C19orf38: variants seen among roughly 807,000 people sequenced by gnomAD.
The protein encoded by C19orf38 is protein HIDE1.
A neutral mutation model predicts 26.6 loss-of-function variants in C19orf38; 14 were observed. That is an observed-to-expected ratio of 0.53 (90% confidence interval 0.35 to 0.82). C19orf38 has a LOEUF of 0.82. C19orf38 is among the 40% of genes least tolerant of loss of function. The pLI is 0.01. For missense variants in C19orf38, 261 were observed against 299.5 expected (o/e 0.87, Z 0.95); for synonymous variants, 132 against 128.5 (o/e 1.03, Z -0.18).
At chr19:10,858,094 G>A (rs1423342732) in intron 3 of C19orf38, among the ~76,000 whole-genome samples, 3 of 151,062 alleles carry the variant, frequency 2.0e-5, no homozygotes, top group African/African-American at 7.3e-5. Context: ...CTGGCCTGGT[G>A]ATGCACACTT....
chr19:10,858,317 T>G lies in C19orf38; in HGVS notation c.435T>G (p.Val145=), dbSNP rs1435197839. The part of the protein sequence containing the change: ...LVAVALVVRK[V]KLRNLQKKRD... ...ATGCTCATTTCTTTTTTGTTCCAGT[T>G]AAACTCAGAAATTTACAGAAGAAAA... Residue 145 remains valine, a splice_region_variant and synonymous_variant, in exon 4 of 7, where the codon GTT becomes GTG. Coordinates refer to ENST00000397820, the MANE Select transcript of C19orf38 (RefSeq NM_001136482.3). The G allele has an allele frequency of 3.9e-6, 6 of 1,547,176 alleles. No individual in the cohort carries two copies. In the African/African-American group the frequency reaches 6.9e-5, roughly 18 times the overall value.
intron 6 of C19orf38, among the ~76,000 whole-genome samples, chr19:10,867,967 A>G (rs2073768770): frequency 1.3e-5 from 2 of 151,846 alleles, no homozygotes; most frequent in Non-Finnish European, 2.9e-5. Context: ...CTTCCTTTTT[A>G]AGGCTGAATC....
intron 6 of C19orf38, among the ~76,000 whole-genome samples, chr19:10,865,849 G>C (rs1039085269): frequency 1.3e-5 from 2 of 151,838 alleles, no homozygotes; most frequent in African/African-American, 4.8e-5. Context: ...GTCTTGCTCT[G>C]TCTCCCACGC....
chr19:10,850,008 G>A (rs1356674949), intron 1 of C19orf38, among the ~76,000 whole-genome samples: 5 of 150,796 alleles, frequency 3.3e-5, no homozygotes, highest in South Asian at 4.2e-4. Flanking sequence ...GTAGTGAGCC[G>A]AGATCACACC....
chr19:10,849,840 G>C (rs942842358), intron 1 of C19orf38, among the ~76,000 whole-genome samples: 1 of 151,918 alleles, frequency 6.6e-6, no homozygotes, highest in African/African-American at 2.4e-5. Context: ...GAGGTGGGGG[G>C]AGTCACACGA....
intron 6 of C19orf38, among the ~76,000 whole-genome samples, chr19:10,867,570 T>TCAC (rs2073764065): frequency 7.3e-6 from 1 of 137,684 alleles, no homozygotes; most frequent in South Asian, 2.5e-4. Flanking sequence ...TGAGCTGAGA[T>TCAC]CACGCCATTG....
chr19:10,864,269 C>A (rs896088041), intron 6 of C19orf38, among the ~76,000 whole-genome samples: 2 of 152,012 alleles, frequency 1.3e-5, no homozygotes, highest in African/African-American at 4.8e-5. Context: ...CCATGCTGGC[C>A]AGGCTGGTCT....
chr19:10,864,770 AAC>A (rs1272998518), intron 6 of C19orf38, among the ~76,000 whole-genome samples: 22 of 152,222 alleles, frequency 1.4e-4, no homozygotes, highest in African/African-American at 4.1e-4. Context: ...GGGGAGAGAA[AAC>A]ACAGAGCTGA....
At chr19:10,848,249 AT>A (rs565812683), upstream of C19orf38, among the ~76,000 whole-genome samples, 512 of 147,032 alleles carry the variant, frequency 3.5e-3, 8 homozygotes, top group African/African-American at 0.012. Context: ...CATCTCATCC[AT>A]TTTTTTCCCC....
chr19:10,867,641 C>CTTTTTTT (rs953156656), intron 6 of C19orf38, among the ~76,000 whole-genome samples: 4 of 58,826 alleles, frequency 6.8e-5, no homozygotes, highest in Non-Finnish European at 6.4e-5. Context: ...GAAGAACATT[C>CTTTTTTT]TTTTTTTTTT....
At chr19:10,858,284 T>C in intron 3 of C19orf38, 32 bp from the exon 4 acceptor site, 1 of 881,198 alleles carries the variant, frequency 1.1e-6, no homozygotes, top group Non-Finnish European at 1.6e-6. Context: ...AGGACCAAAA[T>C]CTAACACATG....
intron 5 of C19orf38, 173 bp downstream of exon 5, chr19:10,860,131 A>C: frequency 6.1e-6 from 4 of 661,024 alleles, no homozygotes; most frequent in Non-Finnish European, 1.0e-5. Context: ...CTTTGACTTA[A>C]CCTAAAGGTC....
chr19:10,862,608 T>A (rs1032024141), intron 5 of C19orf38, among the ~76,000 whole-genome samples: 3 of 151,992 alleles, frequency 2.0e-5, no homozygotes, highest in Non-Finnish European at 4.4e-5. Flanking sequence ...GGCAGGCAGA[T>A]CTCTTGGGGC....
rs536283334 is a variant in C19orf38, at chr19:10,863,318, C to CG, written c.543+118dup. 1.0e-4 allele frequency: 128 copies of CG among 1,245,516 alleles called. No homozygotes were observed. The East Asian group carries it at 1.2e-3, about 11-fold the overall frequency. 77.2% of individuals were successfully genotyped at this position (1,245,516 alleles called of 1,614,324 possible). On this transcript the variant is annotated intron_variant, in intron 6 of 6. Transcript: ENST00000397820. The stretch of plus-strand genomic sequence containing the variant: ...AAGTTGACCTGCTGTCTCTAAGCTG[C>CG]GGGGGGGCTAGGAAAAGCCCAGAAT...
At chr19:10,851,334 G>A (rs2073570243) in intron 2 of C19orf38, among the ~76,000 whole-genome samples, 1 of 146,310 alleles carries the variant, frequency 6.8e-6, no homozygotes, top group African/African-American at 2.6e-5. Flanking sequence ...TTACAGGCAT[G>A]AGCCACTGCA....
chr19:10,848,300 T>C (rs1013818526), upstream of C19orf38: 4 of 568,616 alleles, frequency 7.0e-6, no homozygotes, highest in Non-Finnish European at 1.3e-5. Flanking sequence ...TGCGCGGGTC[T>C]GATGTGTGTT....
chr19:10,866,505 CT>C (rs905563387), intron 6 of C19orf38, among the ~76,000 whole-genome samples: 5 of 150,892 alleles, frequency 3.3e-5, no homozygotes, highest in African/African-American at 1.2e-4. Context: ...CAGGCCCGGC[CT>C]TTTTTTTAAG....
At chr19:10,847,034 G>A (rs1307653066), upstream of C19orf38, among the ~76,000 whole-genome samples, 2 of 152,158 alleles carry the variant, frequency 1.3e-5, no homozygotes, top group East Asian at 1.9e-4. Flanking sequence ...CTCTAATGAC[G>A]CATTTTGGTG....
chr19:10,849,815 G>C (rs1012186061), intron 1 of C19orf38, among the ~76,000 whole-genome samples: 2 of 152,048 alleles, frequency 1.3e-5, no homozygotes, highest in Non-Finnish European at 2.9e-5. Context: ...TATAATCCCA[G>C]CACTTTGGGA....
Sources: allele counts gnomAD v4.1 joint callset (sites outside exome capture counted in the v4.1 genomes callset), GRCh38; gene constraint gnomAD v4.1.1; transcripts MANE v1.5; gene names NCBI Gene and HGNC (gene_info 2026-07-23, HGNC 2026-07-21).